AHI1: variants seen among roughly 807,000 people sequenced by gnomAD.
AHI1 encodes Abelson helper integration site 1.
A neutral mutation model predicts 149.3 loss-of-function variants in AHI1; 123 were observed. The ratio of observed to expected loss-of-function variants is 0.82; its 90% CI spans 0.71 to 0.96. AHI1 has a LOEUF of 0.96. Among genes scored for constraint, AHI1 ranks in the 40% least tolerant of loss-of-function variants. The pLI is 0.00. For synonymous variants in AHI1, 475 were observed against 459.8 expected (o/e 1.03, Z -0.42); for missense variants, 1,439 against 1,422.7 (o/e 1.01, Z -0.18).
intron 27 of AHI1, among the ~76,000 whole-genome samples, chr6:135,297,736 T>C (rs1783312253): frequency 6.6e-6 from 1 of 151,586 alleles, no homozygotes; most frequent in African/African-American, 2.4e-5. Flanking sequence ...AAAGTAAAAA[T>C]TTAGAAGAAA....
At chr6:135,408,717 A>G (rs760227903) in intron 21 of AHI1, among the ~76,000 whole-genome samples, 4 of 152,178 alleles carry the variant, frequency 2.6e-5, no homozygotes, top group Non-Finnish European at 4.4e-5. Context: ...AAGGGATAAC[A>G]TTTATTAAAG....
intron 26 of AHI1, among the ~76,000 whole-genome samples, chr6:135,308,899 G>C (rs1784827835): frequency 6.6e-6 from 1 of 152,180 alleles, no homozygotes; most frequent in Admixed American, 6.5e-5. Flanking sequence ...CTTCAGGCTG[G>C]ATAAACTGAG....
chr6:135,302,060 T>A (rs530583415), intron 26 of AHI1: 1 of 964,852 alleles, frequency 1.0e-6, no homozygotes, highest in East Asian at 1.1e-4. Flanking sequence ...GGCATGATCG[T>A]AGCTCACTGC....
At chr6:135,317,046 A>G (rs1419126101) in intron 26 of AHI1, among the ~76,000 whole-genome samples, 1 of 152,168 alleles carries the variant, frequency 6.6e-6, no homozygotes, top group Non-Finnish European at 1.5e-5. Context: ...AATAAAATCC[A>G]ATCAATCATA....
At chr6:135,323,472 GA>G (rs757365838) in intron 24 of AHI1, 148 bp from the exon 25 acceptor site, 36 of 689,994 alleles carry the variant, frequency 5.2e-5, no homozygotes, top group Non-Finnish European at 8.0e-5. Context: ...CTAATGGGAT[GA>G]GGGGTGGTGG....
chr6:135,328,830 C>T (rs551875259), intron 24 of AHI1, among the ~76,000 whole-genome samples: 2 of 152,126 alleles, frequency 1.3e-5, no homozygotes, highest in South Asian at 4.1e-4. Flanking sequence ...AGGAAAAGTT[C>T]TTGAAGGAAA....
intron 8 of AHI1, among the ~76,000 whole-genome samples, chr6:135,461,586 T>C (rs926896792): frequency 1.3e-5 from 2 of 151,962 alleles, no homozygotes; most frequent in African/African-American, 4.8e-5. Flanking sequence ...ATGCCCAAGA[T>C]AAAGGTATGC....
Position 135,438,482 on chromosome 6 carries a change from A to G in AHI1, c.1929T>C (p.Ser643=), listed in dbSNP as rs775966110. Reference sequence around the variant, plus strand: ...CACACAATTCTCTCATGAAACGTCCAGAAGGAATTTCATATACTAATGAAA... The same window carrying G: ...CACACAATTCTCTCATGAAACGTCCGGAAGGAATTTCATATACTAATGAAA... ...GYPIILYEIP[S]GRFMRELCGH... Residue 643 remains serine, a synonymous_variant, in exon 15 of 29, where the codon TCT becomes TCC. Coordinates refer to ENST00000265602, the MANE Select transcript of AHI1 (RefSeq NM_001134831.2). The G allele has an allele frequency of 6.5e-7, 1 of 1,547,380 alleles. No individual in the cohort carries two copies. The highest frequency in any genetic ancestry group is 1.2e-5 in the South Asian group (1 of 83,178).
intron 5 of AHI1, among the ~76,000 whole-genome samples, chr6:135,476,855 C>A (rs1435075163): frequency 6.6e-6 from 1 of 152,064 alleles, no homozygotes; most frequent in Non-Finnish European, 1.5e-5. Flanking sequence ...TACCTATGCC[C>A]TTACATTGAA....
At chr6:135,356,009 C>G (rs1792908672) in intron 24 of AHI1, among the ~76,000 whole-genome samples, 1 of 152,196 alleles carries the variant, frequency 6.6e-6, no homozygotes, top group African/African-American at 2.4e-5. Flanking sequence ...CTAGCATATA[C>G]CACTCTCCTA....
intron 5 of AHI1, chr6:135,490,196 T>C (rs1363233744): frequency 6.9e-6 from 5 of 725,354 alleles, no homozygotes; most frequent in Non-Finnish European, 1.3e-5. Context: ...AGGATAATTA[T>C]TACCATACGG....
intron 8 of AHI1, among the ~76,000 whole-genome samples, chr6:135,459,579 A>C (rs2614263): frequency 0.44 from 66,708 of 151,714 alleles, 17,691 homozygotes; most frequent in East Asian, 0.59. Flanking sequence ...AAGACTCATA[A>C]ATTTAAAATC....
intron 21 of AHI1, 113 bp downstream of exon 21, chr6:135,411,235 A>C: frequency 2.0e-6 from 2 of 995,168 alleles, no homozygotes; most frequent in East Asian, 2.6e-5. Flanking sequence ...AAAGTATAGG[A>C]AGGTCTAATT....
chr6:135,407,369 T>C (rs1780939872), intron 21 of AHI1, among the ~76,000 whole-genome samples: 1 of 152,202 alleles, frequency 6.6e-6, no homozygotes, highest in South Asian at 2.1e-4. Flanking sequence ...TCAACCTAAA[T>C]GTTTGCACAA....
intron 26 of AHI1, among the ~76,000 whole-genome samples, chr6:135,312,070 A>G (rs1432669472): frequency 6.6e-6 from 1 of 152,252 alleles, no homozygotes; most frequent in Non-Finnish European, 1.5e-5. Flanking sequence ...ATTAAGAGGT[A>G]TAATTTTGCT....
At chr6:135,469,209 G>A (rs1003409872) in intron 5 of AHI1, among the ~76,000 whole-genome samples, 2 of 152,028 alleles carry the variant, frequency 1.3e-5, no homozygotes, top group Admixed American at 6.6e-5. Flanking sequence ...TTCAACATAC[G>A]CAAATCAATA....
intron 19 of AHI1, 31 bp downstream of exon 19, chr6:135,428,598 A>G (rs1403268478): frequency 6.3e-7 from 1 of 1,587,616 alleles, no homozygotes. Context: ...GTACCTCCCC[A>G]AATGATTTTT....
chr6:135,402,066 T>TA (rs1050204221), intron 22 of AHI1, among the ~76,000 whole-genome samples: 7 of 151,982 alleles, frequency 4.6e-5, no homozygotes, highest in Admixed American at 2.0e-4. Flanking sequence ...AAATGGCATA[T>TA]AAAAAACGCT....
chr6:135,411,167 A>C, intron 21 of AHI1, among the ~76,000 whole-genome samples, 181 bp downstream of exon 21: 1 of 152,180 alleles, frequency 6.6e-6, no homozygotes, highest in East Asian at 1.9e-4. Flanking sequence ...GATTATCCTA[A>C]ATTCAGGTTG....
Sources: allele counts gnomAD v4.1 joint callset (sites outside exome capture counted in the v4.1 genomes callset), GRCh38; gene constraint gnomAD v4.1.1; transcripts MANE v1.5; gene names NCBI Gene and HGNC (gene_info 2026-07-23, HGNC 2026-07-21).